The following CLYBL variants were observed in gnomAD, a reference collection of about 807,000 sequenced individuals.
The protein encoded by CLYBL is citramalyl-CoA lyase, mitochondrial.
Under a neutral mutation model 38.9 loss-of-function variants are expected in CLYBL, and 31 were observed. The ratio of observed to expected loss-of-function variants is 0.80; its 90% CI spans 0.60 to 1.08. CLYBL has a LOEUF of 1.08. CLYBL is among the 50% of genes least tolerant of loss of function. The pLI is 0.00. For missense variants in CLYBL, 434 were observed against 411.6 expected (o/e 1.05, Z -0.47); for synonymous variants, 171 against 158.6 (o/e 1.08, Z -0.59).
intron 1 of CLYBL, among the ~76,000 whole-genome samples, chr13:99,632,643 G>T (rs1039575874): frequency 1.3e-5 from 2 of 152,132 alleles, no homozygotes; most frequent in Non-Finnish European, 2.9e-5. Flanking sequence ...TATTCAAGAG[G>T]CTGAGGCAAG....
chr13:99,607,146 T>C (rs2046539693), intron 1 of CLYBL, among the ~76,000 whole-genome samples: 1 of 152,196 alleles, frequency 6.6e-6, no homozygotes, highest in Non-Finnish European at 1.5e-5. Flanking sequence ...TCAGGACCCG[T>C]TTACACGTCT....
chr13:99,628,817 GTTA>G, intron 1 of CLYBL, among the ~76,000 whole-genome samples: 2 of 152,314 alleles, frequency 1.3e-5, no homozygotes, highest in South Asian at 4.1e-4. Flanking sequence ...ACAATGGCCA[GTTA>G]TTTCCTCCTG....
chr13:99,612,848 CA>C (rs113254793), intron 1 of CLYBL, among the ~76,000 whole-genome samples: 5,671 of 151,292 alleles, frequency 0.037, 370 homozygotes, highest in African/African-American at 0.13. Context: ...GCTGTCACTA[CA>C]AAAAAAATTT....
At chr13:99,616,675 C>G (rs2046716153) in intron 1 of CLYBL, among the ~76,000 whole-genome samples, 1 of 152,112 alleles carries the variant, frequency 6.6e-6, no homozygotes, top group African/African-American at 2.4e-5. Flanking sequence ...AAGGAATGGG[C>G]TGGGCATTGG....
chr13:99,900,938 G>A (rs959522744), downstream of CLYBL, among the ~76,000 whole-genome samples: 11 of 152,268 alleles, frequency 7.2e-5, no homozygotes, highest in South Asian at 6.2e-4. Context: ...GTGCCACCTC[G>A]CAATACACCT....
At chr13:99,697,085 T>C (rs1236718126) in intron 1 of CLYBL, among the ~76,000 whole-genome samples, 1 of 152,180 alleles carries the variant, frequency 6.6e-6, no homozygotes, top group Non-Finnish European at 1.5e-5. Flanking sequence ...TTTATTATTG[T>C]GGGGTCTTAG....
At chr13:99,855,320 G>A (rs371112136) in intron 2 of CLYBL, among the ~76,000 whole-genome samples, 45 of 152,158 alleles carry the variant, frequency 3.0e-4, no homozygotes, top group Admixed American at 1.3e-3. Flanking sequence ...TGGGGTGACC[G>A]CTTTTACCTT....
At chr13:99,833,020 ATATATATATATTTTTTTT>A in intron 2 of CLYBL, among the ~76,000 whole-genome samples, 2 of 35,116 alleles carry the variant, frequency 5.7e-5, no homozygotes, top group Non-Finnish European at 1.1e-4. Flanking sequence ...ATATATATAT[ATATATATATATTTTTTTT>A]TTTTTTTTTT....
intron 1 of CLYBL, among the ~76,000 whole-genome samples, chr13:99,745,930 C>T (rs55819006): frequency 0.057 from 8,633 of 151,356 alleles, 291 homozygotes; most frequent in East Asian, 0.11. Flanking sequence ...AACATTTTGG[C>T]CTCATTTCAT....
chr13:99,803,563 A>G (rs1017754817), intron 2 of CLYBL, among the ~76,000 whole-genome samples: 4 of 152,196 alleles, frequency 2.6e-5, no homozygotes, highest in African/African-American at 9.6e-5. Context: ...TAGCAGTGTG[A>G]ACTGACCTGA....
intron 1 of CLYBL, among the ~76,000 whole-genome samples, chr13:99,717,609 G>A (rs1056832830): frequency 6.6e-6 from 1 of 151,954 alleles, no homozygotes; most frequent in East Asian, 1.9e-4. Flanking sequence ...ACAGGTACAC[G>A]CCACCATGCC....
intron 1 of CLYBL, among the ~76,000 whole-genome samples, chr13:99,639,655 G>C (rs2047066998): frequency 6.6e-6 from 1 of 152,220 alleles, no homozygotes; most frequent in Non-Finnish European, 1.5e-5. Flanking sequence ...CACTTTGGGA[G>C]ACCGAGGTAG....
chr13:99,740,467 G>A (rs895864558), intron 1 of CLYBL, among the ~76,000 whole-genome samples: 1 of 152,162 alleles, frequency 6.6e-6, no homozygotes, highest in Admixed American at 6.5e-5. Flanking sequence ...TGAGCATCAC[G>A]CTGCAGGATC....
At chr13:99,834,071 C>T (rs1373275361) in intron 2 of CLYBL, among the ~76,000 whole-genome samples, 3 of 151,958 alleles carry the variant, frequency 2.0e-5, no homozygotes, top group Non-Finnish European at 2.9e-5. Flanking sequence ...GGATAACTGG[C>T]GAGAGAGGTG....
intron 1 of CLYBL, among the ~76,000 whole-genome samples, chr13:99,645,854 T>C (rs896506136): frequency 2.6e-5 from 4 of 152,184 alleles, no homozygotes; most frequent in African/African-American, 7.2e-5. Flanking sequence ...TCCATTTGTC[T>C]ATTTTTGCTT....
chr13:99,837,647 T>G (rs1280600706), intron 2 of CLYBL, among the ~76,000 whole-genome samples: 2 of 152,214 alleles, frequency 1.3e-5, no homozygotes. Context: ...TCATGGCACG[T>G]GCTCAAGGGG....
intron 1 of CLYBL, among the ~76,000 whole-genome samples, chr13:99,694,962 G>C (rs968203571): frequency 3.3e-5 from 5 of 152,110 alleles, no homozygotes; most frequent in African/African-American, 1.2e-4. Context: ...ATGGGAAAAT[G>C]GTTAATCATC....
At chr13:99,710,836 T>A (rs990399561) in intron 1 of CLYBL, among the ~76,000 whole-genome samples, 1 of 151,602 alleles carries the variant, frequency 6.6e-6, no homozygotes, top group Non-Finnish European at 1.5e-5. Context: ...GCACATCTCC[T>A]TCAAGCTATC....
intron 6 of CLYBL, among the ~76,000 whole-genome samples, chr13:99,866,874 T>A (rs2051760998): frequency 6.6e-6 from 1 of 152,178 alleles, no homozygotes; most frequent in Non-Finnish European, 1.5e-5. Context: ...TTTTTTGCTC[T>A]TCTGCCACTC....
Sources: gnomAD v4.1 joint callset for allele counts (sites outside exome capture counted in the v4.1 genomes callset) on GRCh38, gnomAD v4.1.1 for gene constraint, MANE v1.5 for transcripts, NCBI Gene and HGNC (gene_info 2026-07-23, HGNC 2026-07-21) for gene names.